ZSWIM4: variants seen among roughly 807,000 people sequenced by gnomAD.
ZSWIM4 encodes zinc finger SWIM domain-containing protein 4.
Under a neutral mutation model 102.5 loss-of-function variants are expected in ZSWIM4, and 62 were observed. The observed-to-expected ratio is 0.60, with a 90% confidence interval of 0.49 to 0.75. The LOEUF (loss-of-function observed/expected upper bound fraction) is 0.75, where lower values mean the gene tolerates loss of function less well. ZSWIM4 is among the 30% of genes least tolerant of loss of function. The pLI, the probability that ZSWIM4 is intolerant of heterozygous loss-of-function variation, is 0.00. For synonymous variants in ZSWIM4, 652 were observed against 674.5 expected, an observed-to-expected ratio of 0.97 and a Z score of 0.52; for missense variants, 1,280 against 1,529.6, an observed-to-expected ratio of 0.84 and a Z score of 2.72.
chr19:13,803,205 G>C (rs1434638327), intron 2 of ZSWIM4, among the ~76,000 whole-genome samples: 2 of 152,176 alleles, frequency 1.3e-5, no homozygotes, highest in Non-Finnish European at 2.9e-5. Flanking sequence ...ACCTCCAGCT[G>C]GTATGAGGAA....
At chr19:13,810,315 C>T (rs1975043318) in intron 5 of ZSWIM4, among the ~76,000 whole-genome samples, 1 of 140,634 alleles carries the variant, frequency 7.1e-6, no homozygotes, top group Non-Finnish European at 1.5e-5. Flanking sequence ...TTTTTTGACA[C>T]GGACTCTCAC....
At chr19:13,811,594 C>T (rs1203368346) in intron 5 of ZSWIM4, among the ~76,000 whole-genome samples, 1 of 152,120 alleles carries the variant, frequency 6.6e-6, no homozygotes, top group Non-Finnish European at 1.5e-5. Flanking sequence ...ACTTGGAAGG[C>T]TGAGTGAGGC....
intron 10 of ZSWIM4, among the ~76,000 whole-genome samples, chr19:13,822,711 G>A (rs1420242013): frequency 6.6e-6 from 1 of 152,112 alleles, no homozygotes; most frequent in Admixed American, 6.6e-5. Flanking sequence ...CAGGAGCCAT[G>A]GTTCACGCCT....
intron 2 of ZSWIM4, among the ~76,000 whole-genome samples, chr19:13,804,246 G>A (rs1049625453): frequency 9.2e-5 from 14 of 151,976 alleles, no homozygotes; most frequent in Admixed American, 1.3e-4. Context: ...TGAGGCAGGC[G>A]GATCACCTGA....
chr19:13,812,963 G>A lies in ZSWIM4; in HGVS notation c.1013-34G>A, dbSNP rs761902594. On this transcript the variant is annotated intron_variant, in intron 5 of 13. Coordinates refer to ENST00000590508, the MANE Select transcript of ZSWIM4 (RefSeq NM_001367834.3). ...GAAGTGTGTGTTGCTGCCACTGTTGGCAGGAATATTGAGCCTGCCCCGTGC... is the reference window on the plus strand; with the variant it reads ...GAAGTGTGTGTTGCTGCCACTGTTGACAGGAATATTGAGCCTGCCCCGTGC... The A allele has an allele frequency of 6.4e-6, 10 of 1,568,324 alleles. No homozygotes were observed. In the African/African-American group the frequency reaches 6.8e-5, roughly 11 times the overall value.
rs560680703 is a variant in ZSWIM4, at chr19:13,806,454, A to G, written c.712+1306A>G. Among the ~76,000 whole-genome samples, 767 of 152,116 alleles carry G rather than the reference A, an allele frequency of 5.0e-3. 1 individual carries two copies. Among genetic ancestry groups the G allele is most frequent in the Non-Finnish European group, 7.9e-3 (537 of 67,982 alleles). ...GGCTGAGGAAGGAGGATCACTCGAG[A>G]CCAGCAGTTCAAGACCGGCCTGGGC... On this transcript the variant is annotated intron_variant, in intron 3 of 13. Coordinates refer to ENST00000590508, the MANE Select transcript of ZSWIM4 (RefSeq NM_001367834.3).
intron 7 of ZSWIM4, 48 bp downstream of exon 7, chr19:13,814,913 TTGGGAGTCCGAGG>T: frequency 8.9e-7 from 1 of 1,125,202 alleles, no homozygotes; most frequent in South Asian, 1.6e-5. Flanking sequence ...TCCCAGCACA[TTGGGAGTCCGAGG>T]TGGGAGGATT....
chr19:13,808,066 A>G (rs114250152), intron 3 of ZSWIM4, among the ~76,000 whole-genome samples: 2,729 of 152,102 alleles, frequency 0.018, 72 homozygotes, highest in African/African-American at 0.063. Flanking sequence ...AGGGGGAGAC[A>G]CTACACACTT....
chr19:13,803,209 T>C (rs1974820684), intron 2 of ZSWIM4, among the ~76,000 whole-genome samples: 2 of 152,308 alleles, frequency 1.3e-5, no homozygotes. Flanking sequence ...CCAGCTGGTA[T>C]GAGGAAGCCA....
At position 13,825,633 on chromosome 19, in the gene ZSWIM4, GAC is replaced by G; in HGVS notation, c.2300_2301del (p.Asp767GlyfsTer398). The stretch of plus-strand genomic sequence containing the variant: ...GGCCCTGCTCTTTAAGCTGGCGCAG[GAC>G]GCCTGCAAGACAGCCACCCCGGTCA... The part of the protein sequence containing the change: ...SPALLFKLAQ[D>X]ACKTATPVSA... On this transcript the variant is annotated frameshift_variant, in exon 12 of 14. Coordinates refer to ENST00000590508, the MANE Select transcript of ZSWIM4 (RefSeq NM_001367834.3). LOFTEE classifies it high-confidence loss of function. The surrounding 1 kb of genome is among the most constrained non-coding windows in gnomAD (Gnocchi z 4.6). 1 of 1,614,074 alleles carries G rather than the reference GAC, an allele frequency of 6.2e-7. No homozygotes were observed.
Position 13,809,196 on chromosome 19 carries a change from T to C in ZSWIM4, c.988T>C (p.Cys330Arg). Residue 330 changes from cysteine to arginine, a missense_variant, in exon 5 of 14, where the codon TGC becomes CGC. Physicochemically the swap from Cys to Arg is radical, Grantham distance 180. Transcript: ENST00000590508. This position sits in a 1 kb window ranked among gnomAD's most constrained non-coding sequence, Gnocchi z 4.2. ...RQQGAGMTDK[C>R]RQLWDELGAL... ...GCAGGGCGCGGGCATGACGGACAAG[T>C]GCCGGCAGCTCTGGGATGAGCTGGG... The C allele has an allele frequency of 6.2e-7, 1 of 1,609,848 alleles. No individual in the cohort carries two copies. Among genetic ancestry groups the C allele is most frequent in the Non-Finnish European group, 8.5e-7 (1 of 1,178,312 alleles).
chr19:13,797,754 G>T (rs1481913591), intron 1 of ZSWIM4, among the ~76,000 whole-genome samples: 3 of 152,168 alleles, frequency 2.0e-5, no homozygotes, highest in African/African-American at 7.2e-5. Flanking sequence ...CTGGGTTCAA[G>T]CAATTCTCCC....
chr19:13,831,284 G>A lies in ZSWIM4; in HGVS notation c.*234G>A, dbSNP rs1975761730. ...TGCCACCCAGAAGCCTGGAAGGGGT[G>A]TGTGCTTGGGCTGCTGGTATGACCC... On this transcript the variant is annotated 3_prime_UTR_variant, in exon 14 of 14. Transcript: ENST00000590508. 1.8e-6 allele frequency: 1 copy of A among 553,696 alleles called. No individual in the cohort carries two copies. The highest frequency in any genetic ancestry group is 3.3e-5 in the East Asian group (1 of 30,506). 34.3% of individuals were successfully genotyped at this position (553,696 alleles called of 1,614,324 possible).
chr19:13,808,855 C>CGCGCA lies in ZSWIM4; in HGVS notation c.733_734insCGCAG (p.Gly245AlafsTer23). 1 of 1,608,924 alleles carries CGCGCA rather than the reference C, an allele frequency of 6.2e-7. No individual in the cohort carries two copies. Among genetic ancestry groups the CGCGCA allele is most frequent in the Non-Finnish European group, 8.5e-7 (1 of 1,177,812 alleles). On this transcript the variant is annotated frameshift_variant, in exon 4 of 14. Transcript: ENST00000590508. LOFTEE classifies it high-confidence loss of function. ...CGGCAGGTGCCCCAGACCCCACCGC[C>CGCGCA]GGCGCAGGAATCGAGGACGCCAACT...
At chr19:13,801,973 ATTTTTT>A (rs543183681) in intron 2 of ZSWIM4, among the ~76,000 whole-genome samples, 1 of 94,200 alleles carries the variant, frequency 1.1e-5, no homozygotes, top group Non-Finnish European at 2.0e-5. Flanking sequence ...CCAGCTTAGA[ATTTTTT>A]TTTTTTTTTT....
chr19:13,818,760 C>T (rs1403475628), intron 9 of ZSWIM4, among the ~76,000 whole-genome samples: 3 of 151,466 alleles, frequency 2.0e-5, no homozygotes, highest in Non-Finnish European at 4.4e-5. Flanking sequence ...GATGGGGTTT[C>T]CCCATGTTGG....
intron 9 of ZSWIM4, 89 bp from the exon 10 acceptor site, chr19:13,819,268 C>A (rs1278775867): frequency 2.6e-6 from 4 of 1,548,944 alleles, no homozygotes; most frequent in Non-Finnish European, 3.5e-6. Flanking sequence ...GCCAGCCCAC[C>A]CTCTACTTAA....
At chr19:13,806,410 A>AT (rs1015626639) in intron 3 of ZSWIM4, among the ~76,000 whole-genome samples, 43 of 152,030 alleles carry the variant, frequency 2.8e-4, no homozygotes, top group African/African-American at 9.9e-4. Context: ...GCTCATACCT[A>AT]TAATCCCAGC....
chr19:13,805,255 C>T (rs904483244), intron 3 of ZSWIM4, 107 bp downstream of exon 3: 24 of 1,079,066 alleles, frequency 2.2e-5, no homozygotes, highest in Non-Finnish European at 3.0e-5. Context: ...GTTGTGGGGG[C>T]GGGGGGCGGA....
Sources: gnomAD v4.1 joint callset for allele counts (sites outside exome capture counted in the v4.1 genomes callset) on GRCh38, gnomAD v4.1.1 for gene constraint, Gnocchi (gnomAD v3.1) non-coding constraint, MANE v1.5 for transcripts, NCBI Gene and HGNC (gene_info 2026-07-23, HGNC 2026-07-21) for gene names.